HIBADH: variants seen among roughly 807,000 people sequenced by gnomAD.
The protein encoded by HIBADH is 3-hydroxyisobutyrate dehydrogenase, also known as 3-hydroxyisobutyrate dehydrogenase, mitochondrial.
A neutral mutation model predicts 36.1 loss-of-function variants in HIBADH; 25 were observed. That is an observed-to-expected ratio of 0.69 (90% confidence interval 0.50 to 0.97). The LOEUF is 0.97. Ranked by LOEUF, HIBADH falls within the 50% of genes least tolerant of loss-of-function variation. HIBADH has a pLI of 0.00. For missense variants in HIBADH, 421 were observed against 418.0 expected, an observed-to-expected ratio of 1.01 and a Z score of -0.06; for synonymous variants, 160 against 149.5, an observed-to-expected ratio of 1.07 and a Z score of -0.51.
chr7:27,538,457 C>T, intron 5 of HIBADH, 40 bp from the exon 6 acceptor site: 1 of 1,552,400 alleles, frequency 6.4e-7, no homozygotes, highest in South Asian at 1.1e-5. Flanking sequence ...TCTGTATTTT[C>T]AAGGTAAAAC....
At chr7:27,637,368 A>G (rs1410441098) in intron 2 of HIBADH, among the ~76,000 whole-genome samples, 1 of 152,210 alleles carries the variant, frequency 6.6e-6, no homozygotes, top group Non-Finnish European at 1.5e-5. Flanking sequence ...AAATATTAAG[A>G]TCTGATCATT....
intron 4 of HIBADH, among the ~76,000 whole-genome samples, chr7:27,607,022 A>G (rs552457090): frequency 3.0e-4 from 46 of 152,304 alleles, no homozygotes; most frequent in Admixed American, 7.2e-4. Flanking sequence ...TTCTGTATCA[A>G]ATGTAGACTT....
rs752045760 is a variant in HIBADH, at chr7:27,542,999, C to T, written c.586G>A (p.Val196Met). ...GTCCCAACAGCTCCACAGTACACCA[C>T]GTTGGAGCCCATGCACCCCAGCAAC... ...QELLGCMGSN[V>M]VYCGAVGTGQ... Residue 196 changes from valine to methionine, a missense_variant, in exon 5 of 8, where the codon GTG (valine) becomes ATG (methionine). By Grantham distance (21) the Val-to-Met change is conservative. Coordinates refer to ENST00000265395, the MANE Select transcript of HIBADH (RefSeq NM_152740.4). 16 of 1,613,772 alleles carry T rather than the reference C, an allele frequency of 9.9e-6. No individual in the cohort carries two copies. Among genetic ancestry groups the T allele is most frequent in the African/African-American group, 1.3e-5 (1 of 74,988 alleles).
chr7:27,561,227 C>T (rs780724408), intron 4 of HIBADH, among the ~76,000 whole-genome samples: 10 of 152,130 alleles, frequency 6.6e-5, no homozygotes, highest in Non-Finnish European at 1.3e-4. Flanking sequence ...TTTTCTAATA[C>T]TCACCTTGCC....
chr7:27,634,696 T>C (rs1226005476), intron 2 of HIBADH, among the ~76,000 whole-genome samples: 3 of 152,236 alleles, frequency 2.0e-5, no homozygotes, highest in Non-Finnish European at 4.4e-5. Flanking sequence ...CTCTTAGGAA[T>C]TGAGTTCTCT....
chr7:27,541,124 C>T (rs1286565348), intron 5 of HIBADH, among the ~76,000 whole-genome samples: 1 of 143,966 alleles, frequency 6.9e-6, no homozygotes, highest in African/African-American at 2.6e-5. Context: ...AAATGTCCTT[C>T]GAGCATCCTT....
chr7:27,527,022 G>A (rs1783912455), intron 7 of HIBADH, among the ~76,000 whole-genome samples: 3 of 152,120 alleles, frequency 2.0e-5, no homozygotes, highest in Admixed American at 2.0e-4. Flanking sequence ...GTGGCAGGGA[G>A]GTGGTGGGCA....
At chr7:27,588,544 T>C (rs991778665) in intron 4 of HIBADH, among the ~76,000 whole-genome samples, 1 of 152,132 alleles carries the variant, frequency 6.6e-6, no homozygotes. Context: ...TTGCCCATGC[T>C]GTTCTCTAAC....
At position 27,526,242 on chromosome 7, in the gene HIBADH, T is replaced by C. The variant is rs1263162754; in HGVS notation, c.983A>G (p.Gln328Arg). The part of the protein sequence containing the change: ...YSKKDFSSVF[Q>R]FLREEETF The stretch of plus-strand genomic sequence containing the variant: ...GAAGGTCTCCTCCTCTCGTAGGAAC[T>C]GGAACACGGATGAGAAGTCTTTCTT... Residue 328 changes from glutamine to arginine, a missense_variant, in exon 8 of 8, where the codon CAG becomes CGG. Physicochemically the swap from Gln to Arg is conservative, Grantham distance 43 (BLOSUM62 1). Transcript: ENST00000265395. 6.2e-7 allele frequency: 1 copy of C among 1,611,884 alleles called. No homozygotes were observed. Among genetic ancestry groups the C allele is most frequent in the East Asian group, 2.2e-5 (1 of 44,628 alleles).
intron 4 of HIBADH, among the ~76,000 whole-genome samples, chr7:27,594,586 A>G (rs976023198): frequency 2.6e-5 from 4 of 152,228 alleles, no homozygotes; most frequent in African/African-American, 9.6e-5. Flanking sequence ...CCCAACAAAA[A>G]TATTAACAAT....
At chr7:27,530,560 C>A (rs986472582) in intron 7 of HIBADH, among the ~76,000 whole-genome samples, 3 of 151,804 alleles carry the variant, frequency 2.0e-5, no homozygotes, top group African/African-American at 4.8e-5. Flanking sequence ...CAAACAAAAA[C>A]CAACCCTCAA....
At chr7:27,563,933 C>G (rs535016929) in intron 4 of HIBADH, among the ~76,000 whole-genome samples, 2 of 139,674 alleles carry the variant, frequency 1.4e-5, no homozygotes, top group East Asian at 4.3e-4. Flanking sequence ...GAGTCTGGCT[C>G]TGTCGCCCAG....
chr7:27,546,600 G>C (rs183839998), intron 4 of HIBADH, among the ~76,000 whole-genome samples: 5 of 152,254 alleles, frequency 3.3e-5, no homozygotes, highest in South Asian at 2.1e-4. Context: ...AGGTCAAGAA[G>C]AACTTTAGTG....
chr7:27,591,114 G>A (rs1209321887), intron 4 of HIBADH, among the ~76,000 whole-genome samples: 1 of 152,058 alleles, frequency 6.6e-6, no homozygotes. Context: ...CTAAATTGAG[G>A]CACCATATAA....
chr7:27,582,017 G>A (rs1202782729), intron 4 of HIBADH, among the ~76,000 whole-genome samples: 1 of 152,148 alleles, frequency 6.6e-6, no homozygotes, highest in African/African-American at 2.4e-5. Context: ...CTCTTTGGAT[G>A]TAATTATTAG....
At chr7:27,581,066 A>G (rs989517446) in intron 4 of HIBADH, among the ~76,000 whole-genome samples, 19 of 152,214 alleles carry the variant, frequency 1.2e-4, no homozygotes, top group Non-Finnish European at 1.2e-4. Flanking sequence ...AGGCATAGAG[A>G]CAAGAGAAGG....
chr7:27,529,527 TAGG>T lies in HIBADH; in HGVS notation c.852+1662_852+1664del, dbSNP rs528437683. Among the ~76,000 whole-genome samples the T allele has an allele frequency of 6.0e-3, 911 of 152,236 alleles. 6 individuals are homozygous for T. Among genetic ancestry groups the T allele is most frequent in the South Asian group, 9.8e-3 (47 of 4,818 alleles). ...AAAGTCACTGCAGACGTGGTGGAAA[TAGG>T]AGAACTAGAATTAGAAGTGGAGCCT... On this transcript the variant is annotated intron_variant, in intron 7 of 7. Transcript: ENST00000265395.
At chr7:27,648,033 C>A (rs1786109418) in intron 2 of HIBADH, among the ~76,000 whole-genome samples, 1 of 152,202 alleles carries the variant, frequency 6.6e-6, no homozygotes, top group African/African-American at 2.4e-5. Flanking sequence ...GTTACTCTTA[C>A]TAACAGATAA....
intron 5 of HIBADH, chr7:27,541,655 G>T: frequency 2.7e-6 from 1 of 365,770 alleles, no homozygotes; most frequent in East Asian, 9.0e-5. Flanking sequence ...ACTTTTTCTT[G>T]TAATGTCATG....
Sources: allele counts gnomAD v4.1 joint callset (sites outside exome capture counted in the v4.1 genomes callset), GRCh38; gene constraint gnomAD v4.1.1; transcripts MANE v1.5; gene names NCBI Gene and HGNC (gene_info 2026-07-23, HGNC 2026-07-21).